Variants in FMNL1 observed in about 807,000 individuals in gnomAD.
FMNL1 encodes formin-like protein 1.
Under a neutral mutation model 121.3 loss-of-function variants are expected in FMNL1, and 43 were observed. The observed-to-expected ratio is 0.35, with a 90% confidence interval of 0.28 to 0.46. The LOEUF is 0.46. FMNL1 is among the 20% of genes least tolerant of loss of function. The probability of loss-of-function intolerance (pLI) is 1.00; values close to 1 mark genes in which losing one functional copy is unlikely to be tolerated. For missense variants in FMNL1, 1,191 were observed against 1,482.4 expected (o/e 0.80, Z 3.23); for synonymous variants, 613 against 613.5 (o/e 1.00, Z 0.01).
chr17:45,242,975 C>A, intron 16 of FMNL1, 143 bp from the exon 17 acceptor site: 2 of 878,260 alleles, frequency 2.3e-6, no homozygotes, highest in Non-Finnish European at 3.5e-6. Context: ...TGCCTCCCAT[C>A]AGGGCCTGTG....
chr17:45,241,033 C>T lies in FMNL1; in HGVS notation c.1231-96C>T. On this transcript the variant is annotated intron_variant, in intron 12 of 26. Coordinates refer to ENST00000331495, the MANE Select transcript of FMNL1 (RefSeq NM_005892.4). The surrounding 1 kb of genome is among the most constrained non-coding windows in gnomAD (Gnocchi z 7.0). ...GGGCTGAGCGGATCTGGGAGCCTCC[C>T]CCAGTCTTCCAGGCAGGCATGCCTG... 1.3e-6 allele frequency: 2 copies of T among 1,483,038 alleles called. No homozygotes were observed. Among genetic ancestry groups the T allele is most frequent in the Non-Finnish European group, 1.9e-6 (2 of 1,076,628 alleles). 91.9% of individuals were successfully genotyped at this position (1,483,038 alleles called of 1,614,324 possible).
At chr17:45,238,028 C>T (rs1438233598) in intron 9 of FMNL1, 3 of 215,156 alleles carry the variant, frequency 1.4e-5, no homozygotes, top group Non-Finnish European at 2.8e-5. Flanking sequence ...TTCATTCATT[C>T]ATTCCTTTAA....
chr17:45,246,784 G>A, intron 26 of FMNL1, 83 bp from the exon 27 acceptor site: 1 of 712,742 alleles, frequency 1.4e-6, no homozygotes, highest in Admixed American at 2.2e-5. Flanking sequence ...GAGTCCTTAG[G>A]AGGCTAAGCT....
At chr17:45,223,537 G>A (rs958578908) in intron 1 of FMNL1, among the ~76,000 whole-genome samples, 7 of 152,168 alleles carry the variant, frequency 4.6e-5, no homozygotes, top group African/African-American at 1.7e-4. Context: ...AGGAGGGCAG[G>A]GACACTGAGG....
intron 5 of FMNL1, 27 bp from the exon 6 acceptor site, chr17:45,234,045 T>C (rs1485643532): frequency 6.2e-7 from 1 of 1,612,196 alleles, no homozygotes; most frequent in Non-Finnish European, 8.5e-7. Context: ...AGTGTTGGCC[T>C]CCAGCCCCAT....
At position 45,237,256 on chromosome 17, in the gene FMNL1, A is replaced by G. The variant is rs1295522300; in HGVS notation, c.724-25A>G. The stretch of plus-strand genomic sequence containing the variant: ...AAGTCCTGGGGGGCCCTTCCTGGAG[A>G]CACTGACCTCTCCTCTCTCCCCAGT... On this transcript the variant is annotated intron_variant, in intron 7 of 26. Coordinates refer to ENST00000331495, the MANE Select transcript of FMNL1 (RefSeq NM_005892.4). The surrounding 1 kb of genome is among the most constrained non-coding windows in gnomAD (Gnocchi z 4.4). The G allele has an allele frequency of 1.2e-6, 2 of 1,613,224 alleles. No homozygotes were observed. Among genetic ancestry groups the G allele is most frequent in the Non-Finnish European group, 1.7e-6 (2 of 1,179,356 alleles).
chr17:45,244,277 C>T, intron 19 of FMNL1, 33 bp downstream of exon 19: 1 of 1,594,468 alleles, frequency 6.3e-7, no homozygotes, highest in South Asian at 1.1e-5. Flanking sequence ...CCACCCTTGC[C>T]TGTTCTGGAT....
chr17:45,240,742 G>C, intron 12 of FMNL1, 117 bp downstream of exon 12: 1 of 1,391,764 alleles, frequency 7.2e-7, no homozygotes, highest in Non-Finnish European at 9.6e-7. Flanking sequence ...GTGCATTGGA[G>C]GTGCTGCCTG....
At position 45,242,146 on chromosome 17, in the gene FMNL1, G is replaced by C; in HGVS notation, c.1885G>C (p.Gly629Arg). 6.5e-7 allele frequency: 1 copy of C among 1,539,642 alleles called. No individual in the cohort carries two copies. Among genetic ancestry groups the C allele is most frequent in the Non-Finnish European group, 8.8e-7 (1 of 1,142,668 alleles). ...LGRRDSELGP[G>R]VKAKKPIQTK... ...AAGACGCGACTCAGAATTGGGCCCA[G>C]GTGAGTGGAGTGGACCACCTTGGGC... The change falls in exon 15 of 27, where the codon GGA (glycine) becomes CGA (arginine). Residue 629 changes from glycine (G) to arginine (R), a missense_variant and splice_region_variant. By Grantham distance (125) the Gly-to-Arg change is moderately radical (BLOSUM62 -2). Coordinates refer to ENST00000331495, the MANE Select transcript of FMNL1 (RefSeq NM_005892.4).
At chr17:45,243,681 C>CA in intron 17 of FMNL1, 110 bp from the exon 18 acceptor site, 3 of 1,091,652 alleles carry the variant, frequency 2.7e-6, no homozygotes, top group Non-Finnish European at 3.9e-6. Context: ...AAGCTGTTGG[C>CA]AAATAGAAAA....
rs1356263403 is a variant in FMNL1 at position 45,241,569 on chromosome 17, C to T, written c.1520C>T (p.Ala507Val). The T allele has an allele frequency of 6.4e-7, 1 of 1,567,744 alleles. No homozygotes were observed. Among genetic ancestry groups the T allele is most frequent in the South Asian group, 1.2e-5 (1 of 86,144 alleles). Residue 507 changes from alanine to valine, a missense_variant, in exon 14 of 27, where the codon GCT (alanine) becomes GTT (valine). Transcript: ENST00000331495. This position sits in a 1 kb window ranked among gnomAD's most constrained non-coding sequence, Gnocchi z 7.0. ...GTCTCCATCGAGATCCTCCCCGTCG[C>T]TGTGGCAACTCCGAGCGGCGGTGAT... ...DAVSIEILPV[A>V]VATPSGGDAP...
chr17:45,246,446 C>T, intron 25 of FMNL1, 59 bp from the exon 26 acceptor site: 1 of 1,613,418 alleles, frequency 6.2e-7, no homozygotes, highest in East Asian at 2.2e-5. Flanking sequence ...GCTACCTTTT[C>T]TGTTTTTCTT....
chr17:45,246,497 C>CCACT lies in FMNL1; in HGVS notation c.3212-5_3212-2dup, dbSNP rs768991005. 1.7e-4 allele frequency: 282 copies of CCACT among 1,614,092 alleles called. No homozygotes were observed. Among genetic ancestry groups the CCACT allele is most frequent in the Non-Finnish European group, 2.3e-4 (273 of 1,180,034 alleles). ...CTACTCCCCTTCACCTGCCCCACCC[C>CCACT]CACTCAGTGATCAAGACGGTGCCCT... On this transcript the variant is annotated splice_region_variant and splice_polypyrimidine_tract_variant and intron_variant, in intron 25 of 26. Transcript: ENST00000331495.
At chr17:45,223,985 C>T (rs2043281906) in intron 1 of FMNL1, among the ~76,000 whole-genome samples, 1 of 152,144 alleles carries the variant, frequency 6.6e-6, no homozygotes, top group South Asian at 2.1e-4. Flanking sequence ...CTAAATGCCA[C>T]TGGGAGTCCC....
intron 1 of FMNL1, among the ~76,000 whole-genome samples, chr17:45,224,069 G>A (rs898641498): frequency 3.3e-5 from 5 of 152,140 alleles, no homozygotes; most frequent in African/African-American, 4.8e-5. Context: ...AAGTGGAGGT[G>A]CCTAGCAGAA....
intron 1 of FMNL1, among the ~76,000 whole-genome samples, chr17:45,227,087 G>A (rs976244507): frequency 6.6e-6 from 1 of 152,172 alleles, no homozygotes; most frequent in Non-Finnish European, 1.5e-5. Flanking sequence ...TGGGGGCTGG[G>A]GGACAGGCTC....
At chr17:45,242,908 G>A (rs1378774619) in intron 16 of FMNL1, among the ~76,000 whole-genome samples, 1 of 152,164 alleles carries the variant, frequency 6.6e-6, no homozygotes, top group African/African-American at 2.4e-5. Flanking sequence ...GTGGCCCCAA[G>A]TCTGGATCCC....
At chr17:45,240,102 C>T (rs1307515804) in intron 11 of FMNL1, among the ~76,000 whole-genome samples, 1 of 152,114 alleles carries the variant, frequency 6.6e-6, no homozygotes, top group Non-Finnish European at 1.5e-5. Context: ...TCTATGATTG[C>T]TTTATATGAA....
rs151174346 is a variant in FMNL1, at chr17:45,245,945, C to G, written c.3062C>G (p.Pro1021Arg). The G allele has an allele frequency of 5.1e-6, 8 of 1,581,442 alleles. No homozygotes were observed. Among genetic ancestry groups the G allele is most frequent in the Middle Eastern group, 2.1e-4 (1 of 4,676 alleles). The change falls in exon 24 of 27, where the codon CCG (proline) becomes CGG (arginine). Residue 1021 changes from proline (P) to arginine (R), a missense_variant. Coordinates refer to ENST00000331495, the MANE Select transcript of FMNL1 (RefSeq NM_005892.4). ...AAAQEAGADT[P>R]GKGEPPAPKS... ...GCCCAGGAGGCAGGCGCTGATACCCCGGGCAAAGGGGAGCCCCCAGCACCC... is the reference window on the plus strand; with the variant it reads ...GCCCAGGAGGCAGGCGCTGATACCCGGGGCAAAGGGGAGCCCCCAGCACCC...
Sources: allele counts gnomAD v4.1 joint callset (sites outside exome capture counted in the v4.1 genomes callset), GRCh38; gene constraint gnomAD v4.1.1; non-coding constraint Gnocchi (gnomAD v3.1); transcripts MANE v1.5; gene names NCBI Gene and HGNC (gene_info 2026-07-23, HGNC 2026-07-21).